Variants in NRXN3 observed in about 807,000 individuals in gnomAD.
NRXN3 encodes neurexin III.
NRXN3 carries 32 observed loss-of-function variants against 137.6 expected under a neutral mutation model. That is an observed-to-expected ratio of 0.23 (90% CI 0.18 to 0.31). The LOEUF is 0.31. Ranked by LOEUF, NRXN3 falls within the 10% of genes least tolerant of loss-of-function variation. The pLI, the probability that NRXN3 is intolerant of heterozygous loss-of-function variation, is 1.00. For synonymous variants in NRXN3, 798 were observed against 784.5 expected, an observed-to-expected ratio of 1.02 and a Z score of -0.29; for missense variants, 1,574 against 2,062.5, an observed-to-expected ratio of 0.76 and a Z score of 4.59.
At chr14:79,148,535 C>T (rs1160201578) in intron 15 of NRXN3, among the ~76,000 whole-genome samples, 1 of 152,130 alleles carries the variant, frequency 6.6e-6, no homozygotes, top group East Asian at 1.9e-4. Context: ...AAGCAGAACC[C>T]AGTCCCTTGT....
At position 78,741,879 on chromosome 14, in the gene NRXN3, A is replaced by G. The variant is rs548537998; in HGVS notation, c.2044+26740A>G. ...TGCCTACAGAAGTTATCAGTGACAT[A>G]GGGGAAGATAATCTTCCCCAGCCTT... is the stretch of plus-strand genomic sequence containing the variant. On this transcript the variant is annotated intron_variant, in intron 8 of 20. Coordinates refer to ENST00000335750, the MANE Select transcript of NRXN3 (RefSeq NM_001330195.2). Among the ~76,000 whole-genome samples the G allele has an allele frequency of 3.3e-5, 5 of 152,246 alleles. No individual in the cohort carries two copies. In the East Asian group the frequency reaches 9.7e-4, roughly 29 times the overall value.
At chr14:78,651,991 G>C (rs1010607915) in intron 6 of NRXN3, among the ~76,000 whole-genome samples, 1 of 152,184 alleles carries the variant, frequency 6.6e-6, no homozygotes, top group Non-Finnish European at 1.5e-5. Flanking sequence ...ATTAAATGCA[G>C]TCACACAGGT....
intron 15 of NRXN3, among the ~76,000 whole-genome samples, chr14:79,158,569 A>G (rs562647822): frequency 5.3e-5 from 8 of 151,950 alleles, no homozygotes; most frequent in African/African-American, 1.7e-4. Flanking sequence ...ACTGGTTTTC[A>G]TATTGAGGTA....
At chr14:78,582,007 C>T (rs2097003304) in intron 4 of NRXN3, among the ~76,000 whole-genome samples, 1 of 152,180 alleles carries the variant, frequency 6.6e-6, no homozygotes, top group Admixed American at 6.5e-5. Flanking sequence ...CCATAAGGTA[C>T]TTATTAATTT....
At chr14:78,696,359 C>T (rs1464979226) in intron 6 of NRXN3, among the ~76,000 whole-genome samples, 1 of 151,872 alleles carries the variant, frequency 6.6e-6, no homozygotes, top group African/African-American at 2.4e-5. Context: ...TAATAGTAAC[C>T]AATATATGCA....
At chr14:79,317,030 A>G (rs1341111929) in intron 15 of NRXN3, among the ~76,000 whole-genome samples, 1 of 152,070 alleles carries the variant, frequency 6.6e-6, no homozygotes, top group African/African-American at 2.4e-5. Context: ...CAGGAGTTCG[A>G]GACCAGCCTG....
intron 15 of NRXN3, among the ~76,000 whole-genome samples, chr14:78,992,972 G>A (rs2099521918): frequency 6.6e-6 from 1 of 152,188 alleles, no homozygotes; most frequent in Non-Finnish European, 1.5e-5. Flanking sequence ...TGGCCACCCT[G>A]TGCTACATTG....
chr14:78,445,198 G>C (rs1015872866), intron 4 of NRXN3, among the ~76,000 whole-genome samples: 1 of 152,164 alleles, frequency 6.6e-6, no homozygotes, highest in Non-Finnish European at 1.5e-5. Context: ...GGAGGCTGAG[G>C]AGCCACAGAT....
At chr14:78,469,512 A>T (rs1222715371) in intron 4 of NRXN3, among the ~76,000 whole-genome samples, 1 of 152,216 alleles carries the variant, frequency 6.6e-6, no homozygotes, top group Non-Finnish European at 1.5e-5. Context: ...AGTCTCTTTA[A>T]GTTCTTGGCA....
At chr14:78,795,712 G>A (rs1225160257) in intron 8 of NRXN3, among the ~76,000 whole-genome samples, 1 of 152,168 alleles carries the variant, frequency 6.6e-6, no homozygotes, top group African/African-American at 2.4e-5. Flanking sequence ...GAGGAACTCT[G>A]GAATGGGTGG....
At chr14:78,965,244 C>A (rs1406851028) in intron 11 of NRXN3, among the ~76,000 whole-genome samples, 2 of 152,172 alleles carry the variant, frequency 1.3e-5, no homozygotes, top group Non-Finnish European at 2.9e-5. Context: ...AAATCAGCCA[C>A]AAGAGCATCA....
At chr14:79,772,490 G>T (rs1285028210) in intron 19 of NRXN3, among the ~76,000 whole-genome samples, 1 of 152,122 alleles carries the variant, frequency 6.6e-6, no homozygotes, top group East Asian at 1.9e-4. Context: ...ACAACTACCT[G>T]ATCTTTGACA....
intron 4 of NRXN3, among the ~76,000 whole-genome samples, chr14:78,588,746 C>T (rs968694179): frequency 1.3e-5 from 2 of 152,230 alleles, no homozygotes; most frequent in Non-Finnish European, 2.9e-5. Context: ...GGGCATTTGG[C>T]TCCACGTAGA....
chr14:79,219,589 A>C (rs2153231810), intron 15 of NRXN3, among the ~76,000 whole-genome samples: 1 of 152,338 alleles, frequency 6.6e-6, no homozygotes, highest in African/African-American at 2.4e-5. Flanking sequence ...CTTTCCCCTG[A>C]AGGTACACTG....
chr14:78,314,305 G>A (rs1321365246), intron 4 of NRXN3, among the ~76,000 whole-genome samples: 1 of 152,158 alleles, frequency 6.6e-6, no homozygotes, highest in Non-Finnish European at 1.5e-5. Flanking sequence ...ATTACTCAGG[G>A]CAGGCTAACT....
intron 4 of NRXN3, among the ~76,000 whole-genome samples, chr14:78,360,637 A>G (rs897732091): frequency 6.6e-6 from 1 of 152,226 alleles, no homozygotes; most frequent in African/African-American, 2.4e-5. Context: ...GGGTAAGTTA[A>G]TACACGTAAG....
At chr14:79,219,734 A>T (rs572752878) in intron 15 of NRXN3, among the ~76,000 whole-genome samples, 8 of 152,256 alleles carry the variant, frequency 5.3e-5, no homozygotes, top group African/African-American at 1.9e-4. Context: ...TCTGACGGTC[A>T]TATAATTATA....
chr14:79,738,646 C>A (rs901389352), intron 19 of NRXN3, among the ~76,000 whole-genome samples: 4 of 152,142 alleles, frequency 2.6e-5, no homozygotes, highest in African/African-American at 9.7e-5. Flanking sequence ...GCAACCTCCG[C>A]CTCCCGTCTT....
intron 4 of NRXN3, among the ~76,000 whole-genome samples, chr14:78,557,595 G>T (rs2096750995): frequency 6.6e-6 from 1 of 152,184 alleles, no homozygotes; most frequent in Non-Finnish European, 1.5e-5. Flanking sequence ...GGTGCCTAGT[G>T]GCCTTTAGTT....
Sources: allele counts gnomAD v4.1 joint callset (sites outside exome capture counted in the v4.1 genomes callset), GRCh38; gene constraint gnomAD v4.1.1; transcripts MANE v1.5; gene names NCBI Gene and HGNC (gene_info 2026-07-23, HGNC 2026-07-21).